Variants in GNL3L observed in about 807,000 individuals in gnomAD.
GNL3L encodes the protein G protein nucleolar 3 like.
Under a neutral mutation model 42.9 loss-of-function variants are expected in GNL3L, and 4 were observed. The observed-to-expected ratio is 0.09, with a 90% CI of 0.05 to 0.21. The LOEUF is 0.21. GNL3L is among the 10% of genes least tolerant of loss of function. The pLI is 1.00. For synonymous variants in GNL3L, 159 were observed against 176.3 expected, an observed-to-expected ratio of 0.90 and a Z score of 0.78; for missense variants, 412 against 481.7, an observed-to-expected ratio of 0.86 and a Z score of 1.36.
At chrX:54,617,792 C>T (rs1926236813) in intron 16 of GNL3L, among the ~76,000 whole-genome samples, 1 of 111,669 alleles carries the variant, frequency 9.0e-6, no homozygotes, top group Admixed American at 9.6e-5. Context: ...TGAGCCCTCA[C>T]CAGACACTGA....
In GNL3L at chrX:54,542,842, T is replaced by C. The variant is rs935439677; in HGVS notation, c.307-113T>C. The C allele has an allele frequency of 2.0e-5, 9 of 460,145 alleles. No homozygotes were observed. The East Asian group carries it at 3.0e-4, about 15-fold the overall frequency. 37.9% of individuals were successfully genotyped at this position (460,145 alleles called of 1,213,427 possible). A position where few individuals can be genotyped will look rare whatever the true frequency, so the allele number is the denominator to read the frequency against. On this transcript the variant is annotated intron_variant, in intron 5 of 15. Transcript: ENST00000360845. ...GTGGTTTTGATTTGCATTTCTCTGA[T>C]GGCCAGGACTCACATGATTTTTTAA... is the stretch of plus-strand genomic sequence containing the variant.
chrX:54,572,014 TA>T (rs1224665494), downstream of GNL3L, among the ~76,000 whole-genome samples: 12 of 108,236 alleles, frequency 1.1e-4, no homozygotes, highest in African/African-American at 3.4e-4. Context: ...TTTATTTATT[TA>T]TTTTTTTTTA....
At chrX:54,549,671 T>C (rs1924875871) in intron 9 of GNL3L, among the ~76,000 whole-genome samples, 1 of 112,370 alleles carries the variant, frequency 8.9e-6, no homozygotes, top group Non-Finnish European at 1.9e-5. Context: ...GTTGAGATCG[T>C]GCCACTGTTG....
intron 3 of GNL3L, 83 bp downstream of exon 3, chrX:54,539,184 G>GGTTTA: frequency 1.9e-6 from 1 of 522,869 alleles, no homozygotes; most frequent in Non-Finnish European, 3.1e-6. Context: ...GTAAATATTG[G>GGTTTA]GTGACTCTGG....
Position 54,561,324 on chromosome X carries a change from C to G in GNL3L, c.*722C>G, listed in dbSNP as rs1005041449. Among the ~76,000 whole-genome samples, 2 of 111,844 alleles carry G rather than the reference C, an allele frequency of 1.8e-5. No individual in the cohort carries two copies. The highest frequency in any genetic ancestry group is 3.8e-5 in the Non-Finnish European group (2 of 53,179). ...GAGGGTGATGGTTTCTTTACCACCC[C>G]ACAGGAGATTTCAGTGGCAAGGCAT... On this transcript the variant is annotated 3_prime_UTR_variant, in exon 16 of 16. Coordinates refer to ENST00000360845, the MANE Select transcript of GNL3L (RefSeq NM_001184819.2).
intron 3 of GNL3L, among the ~76,000 whole-genome samples, chrX:54,539,574 A>G (rs1046080954): frequency 1.8e-5 from 2 of 111,249 alleles, no homozygotes; most frequent in Non-Finnish European, 3.8e-5. Context: ...ACAATTTAGC[A>G]TGGGTGAAGC....
At chrX:54,554,818 G>C in intron 14 of GNL3L, 126 bp downstream of exon 14, 2 of 562,530 alleles carry the variant, frequency 3.6e-6, no homozygotes, top group Admixed American at 2.8e-5. Flanking sequence ...ATGGGCTTCT[G>C]GATGCCTGGC....
At chrX:54,591,883 T>C (rs1367256119) in intron 16 of GNL3L, among the ~76,000 whole-genome samples, 1 of 111,833 alleles carries the variant, frequency 8.9e-6, no homozygotes, top group African/African-American at 3.2e-5. Context: ...AGAGATTGCA[T>C]TGAATCTGTA....
downstream of GNL3L, among the ~76,000 whole-genome samples, chrX:54,624,828 G>A (rs904246517): frequency 1.1e-5 from 1 of 89,767 alleles, no homozygotes; most frequent in Admixed American, 1.0e-4. Context: ...GTATATCTGT[G>A]TTCTAATCTC....
rs549795452 is a variant in GNL3L, at chrX:54,558,512, G to A, written c.1523G>A (p.Arg508His). 1.4e-5 allele frequency: 17 copies of A among 1,206,431 alleles called. No individual in the cohort carries two copies. Among genetic ancestry groups the A allele is most frequent in the Middle Eastern group, 2.3e-4 (1 of 4,340 alleles). ...MGWAKRNVDH[R>H]PKSNSMVDVC... is the part of the protein sequence containing the mutation. ...TGGGCTAAACGCAATGTGGACCACC[G>A]CCCTAAGAGCAACAGTATGGTGGAT... Residue 508 changes from arginine (R) to histidine (H), a missense_variant, in exon 15 of 16, where the codon CGC (arginine) becomes CAC (histidine). Physicochemically the swap from Arg to His is conservative, Grantham distance 29. Coordinates refer to ENST00000360845, the MANE Select transcript of GNL3L (RefSeq NM_001184819.2).
At chrX:54,614,410 G>A (rs1157471753) in intron 16 of GNL3L, among the ~76,000 whole-genome samples, 1 of 110,893 alleles carries the variant, frequency 9.0e-6, no homozygotes, top group Non-Finnish European at 1.9e-5. Flanking sequence ...CACCGGATTT[G>A]CGCCCTCCCC....
chrX:54,631,480 A>AT, the GNL3L span, among the ~76,000 whole-genome samples: 1 of 110,286 alleles, frequency 9.1e-6, no homozygotes, highest in Non-Finnish European at 1.9e-5. Flanking sequence ...GGATTGTGAT[A>AT]TTTTCCTGTT....
In GNL3L at chrX:54,541,321, CAAA is replaced by C; in HGVS notation, c.241_243del (p.Lys81del). On this transcript the variant is annotated inframe_deletion, in exon 5 of 16. Transcript: ENST00000360845. ...GCAAGCCGCCCGGGAGCAAGAAAGA[CAAA>C]AACGCAGGACCATTGAGAGCTACTG... The C allele has an allele frequency of 3.3e-6, 4 of 1,210,372 alleles. No individual in the cohort carries two copies. The highest frequency in any genetic ancestry group is 4.5e-6 in the Non-Finnish European group (4 of 894,345).
At chrX:54,615,930 T>C (rs950998118) in intron 16 of GNL3L, among the ~76,000 whole-genome samples, 1 of 112,767 alleles carries the variant, frequency 8.9e-6, no homozygotes, top group Non-Finnish European at 1.9e-5. Context: ...ACCTGGGAAA[T>C]GTAACTGAAA....
chrX:54,562,999 A>C lies in GNL3L; in HGVS notation c.*2397A>C, dbSNP rs927175472. The stretch of plus-strand genomic sequence containing the variant: ...AGTCCGTTAAATGCATTTAACGTTA[A>C]ATTTTTTCTTTTTTGGTTTAAAAAA... On this transcript the variant is annotated 3_prime_UTR_variant, in exon 16 of 16. Transcript: ENST00000360845. 9.0e-6 allele frequency among the ~76,000 whole-genome samples: 1 copy of C among 110,597 alleles called. No individual in the cohort carries two copies. Among genetic ancestry groups the C allele is most frequent in the African/African-American group, 3.3e-5 (1 of 30,207 alleles).
intron 16 of GNL3L, among the ~76,000 whole-genome samples, chrX:54,581,764 A>T (rs1925718483): frequency 8.9e-6 from 1 of 111,961 alleles, no homozygotes; most frequent in Admixed American, 9.5e-5. Context: ...TTCTTACTGA[A>T]TATTATTCCA....
rs778403312 is a variant in GNL3L at position 54,558,925 on chromosome X, A to G, written c.1666+270A>G. Among the ~76,000 whole-genome samples the G allele has an allele frequency of 8.0e-5, 9 of 111,979 alleles. No homozygotes were observed. The South Asian group carries it at 2.3e-3, about 28-fold the overall frequency. On this transcript the variant is annotated intron_variant, in intron 15 of 15. Transcript: ENST00000360845. ...ACTTGCCTCGGCCTTCCAAAGTGCT[A>G]GGATTACAGATGTGAGCCACTGCAC...
At chrX:54,544,647 T>G (rs1924722553) in intron 8 of GNL3L, among the ~76,000 whole-genome samples, 1 of 109,558 alleles carries the variant, frequency 9.1e-6, no homozygotes, top group Non-Finnish European at 1.9e-5. Flanking sequence ...TTTTTGTAAT[T>G]TTTTTATTTT....
At chrX:54,580,948 T>C (rs1925706797) in intron 16 of GNL3L, among the ~76,000 whole-genome samples, 1 of 106,838 alleles carries the variant, frequency 9.4e-6, no homozygotes, top group South Asian at 4.1e-4. Flanking sequence ...ACCTGGCTAA[T>C]TTTTGTAGTT....
Sources: allele counts gnomAD v4.1 joint callset (sites outside exome capture counted in the v4.1 genomes callset), GRCh38; gene constraint gnomAD v4.1.1; transcripts MANE v1.5; gene names NCBI Gene and HGNC (gene_info 2026-07-23, HGNC 2026-07-21).